The following ERC2 variants were observed in gnomAD, a reference collection of about 807,000 sequenced individuals.
The protein encoded by ERC2 is ERC protein 2.
Under a neutral mutation model 114.8 loss-of-function variants are expected in ERC2, and 42 were observed. That is an observed-to-expected ratio of 0.37 (90% CI 0.29 to 0.47). The LOEUF is 0.47. Ranked by LOEUF, ERC2 falls within the 20% of genes least tolerant of loss-of-function variation. ERC2 has a pLI of 0.99. For synonymous variants in ERC2, 454 were observed against 425.5 expected, an observed-to-expected ratio of 1.07 and a Z score of -0.82; for missense variants, 939 against 1,150.7, an observed-to-expected ratio of 0.82 and a Z score of 2.66.
intron 10 of ERC2, among the ~76,000 whole-genome samples, chr3:56,004,051 C>T (rs1319962551): frequency 6.6e-6 from 1 of 151,990 alleles, no homozygotes; most frequent in Non-Finnish European, 1.5e-5. Context: ...TTTCCTTCAA[C>T]TTGAATGAAG....
chr3:56,426,146 A>C (rs2061562600), intron 2 of ERC2, among the ~76,000 whole-genome samples: 1 of 152,202 alleles, frequency 6.6e-6, no homozygotes, highest in Admixed American at 6.5e-5. Flanking sequence ...CAGATACTTG[A>C]GGAAGAGGAG....
chr3:55,904,755 A>G (rs142729131), intron 13 of ERC2, among the ~76,000 whole-genome samples: 1 of 152,214 alleles, frequency 6.6e-6, no homozygotes, highest in East Asian at 1.9e-4. Flanking sequence ...GAACTCCTCA[A>G]CACCCTAGAC....
intron 17 of ERC2, among the ~76,000 whole-genome samples, chr3:55,521,883 A>G (rs2052972423): frequency 6.6e-6 from 1 of 152,222 alleles, no homozygotes. Context: ...CACTAAACCC[A>G]TTAGCGTTCC....
chr3:55,792,851 G>A (rs915212830), intron 14 of ERC2, among the ~76,000 whole-genome samples: 16 of 152,160 alleles, frequency 1.1e-4, no homozygotes, highest in African/African-American at 3.9e-4. Context: ...GAGAGCTGGT[G>A]GATTCTGGGT....
At chr3:56,072,428 T>C (rs946882052) in intron 7 of ERC2, 1 of 152,204 alleles carries the variant, frequency 6.6e-6, no homozygotes, top group East Asian at 1.9e-4. Flanking sequence ...AAAATACATA[T>C]AAATAACTTT....
intron 13 of ERC2, among the ~76,000 whole-genome samples, chr3:55,909,012 G>A (rs760270043): frequency 3.9e-5 from 6 of 152,068 alleles, no homozygotes; most frequent in South Asian, 2.1e-4. Flanking sequence ...CCCACTTACC[G>A]GACAGAACAA....
intron 17 of ERC2, among the ~76,000 whole-genome samples, chr3:55,523,504 G>A (rs928585504): frequency 6.6e-6 from 1 of 152,076 alleles, no homozygotes; most frequent in Non-Finnish European, 1.5e-5. Flanking sequence ...CTTCTTCAGG[G>A]GAGCCTTCCT....
chr3:56,354,373 A>T (rs141129441), intron 2 of ERC2, among the ~76,000 whole-genome samples: 226 of 152,190 alleles, frequency 1.5e-3, no homozygotes, highest in African/African-American at 4.7e-3. Context: ...CAATTCTCAA[A>T]CAGGGGCAAT....
intron 3 of ERC2, among the ~76,000 whole-genome samples, chr3:56,249,514 G>A (rs2051976347): frequency 6.6e-6 from 1 of 151,974 alleles, no homozygotes; most frequent in Non-Finnish European, 1.5e-5. Context: ...TTTTAGTAGA[G>A]ACGGGGTTTC....
intron 17 of ERC2, among the ~76,000 whole-genome samples, chr3:55,617,084 T>C (rs1481003799): frequency 6.6e-6 from 1 of 152,118 alleles, no homozygotes; most frequent in African/African-American, 2.4e-5. Flanking sequence ...CCTTTACAAA[T>C]TTTGCCCAAG....
chr3:55,603,790 T>C (rs947377603), intron 17 of ERC2, among the ~76,000 whole-genome samples: 3 of 152,306 alleles, frequency 2.0e-5, no homozygotes, highest in African/African-American at 7.2e-5. Context: ...TCTGAACAGC[T>C]GCTTTATACA....
intron 6 of ERC2, among the ~76,000 whole-genome samples, chr3:56,137,930 C>T (rs760945269): frequency 4.6e-5 from 7 of 152,136 alleles, no homozygotes; most frequent in Non-Finnish European, 7.4e-5. Context: ...ACTGCTGCCT[C>T]CTCAAAGGAG....
At chr3:55,843,376 T>C (rs2061219901) in intron 14 of ERC2, among the ~76,000 whole-genome samples, 1 of 152,204 alleles carries the variant, frequency 6.6e-6, no homozygotes. Flanking sequence ...CTACACAGAC[T>C]TTGATGTAGG....
chr3:55,809,425 ACAAT>A (rs1190546257), intron 14 of ERC2, among the ~76,000 whole-genome samples: 1 of 152,176 alleles, frequency 6.6e-6, no homozygotes, highest in Non-Finnish European at 1.5e-5. Flanking sequence ...AGCAAAGGAA[ACAAT>A]CAACAGAGCG....
intron 15 of ERC2, among the ~76,000 whole-genome samples, chr3:55,731,035 C>T (rs2065224502): frequency 6.6e-6 from 1 of 152,184 alleles, no homozygotes; most frequent in Non-Finnish European, 1.5e-5. Context: ...CTCACCCTTC[C>T]AGGACTGCCC....
At chr3:56,373,901 A>T (rs945026153) in intron 2 of ERC2, among the ~76,000 whole-genome samples, 9 of 152,168 alleles carry the variant, frequency 5.9e-5, no homozygotes, top group African/African-American at 1.2e-4. Context: ...AACCCCATTT[A>T]AAAAAGTCAA....
chr3:56,380,468 T>C (rs199774456), intron 2 of ERC2, among the ~76,000 whole-genome samples: 2 of 152,006 alleles, frequency 1.3e-5, no homozygotes, highest in South Asian at 2.1e-4. Flanking sequence ...CGAGAAGTTC[T>C]CCTGCCACAA....
At chr3:55,797,293 C>T (rs2070593901) in intron 14 of ERC2, among the ~76,000 whole-genome samples, 1 of 151,990 alleles carries the variant, frequency 6.6e-6, no homozygotes, top group South Asian at 2.1e-4. Context: ...ATGCTGAAAG[C>T]CCACATAAAT....
chr3:55,668,693 A>G (rs1189336565), intron 17 of ERC2, among the ~76,000 whole-genome samples: 1 of 152,214 alleles, frequency 6.6e-6, no homozygotes. Context: ...CAGCCTGTTG[A>G]ATCGCCCATG....
Sources: gnomAD v4.1 joint callset for allele counts (sites outside exome capture counted in the v4.1 genomes callset) on GRCh38, gnomAD v4.1.1 for gene constraint, MANE v1.5 for transcripts, NCBI Gene and HGNC (gene_info 2026-07-23, HGNC 2026-07-21) for gene names.